Variants in DIP2C observed in about 807,000 individuals in gnomAD.
The protein encoded by DIP2C is disco-interacting protein 2 homolog C.
Under a neutral mutation model 192.4 loss-of-function variants are expected in DIP2C, and 33 were observed. That is an observed-to-expected ratio of 0.17 (90% confidence interval 0.13 to 0.23). The LOEUF (loss-of-function observed/expected upper bound fraction) is 0.23, where lower values mean the gene tolerates loss of function less well. Ranked by LOEUF, DIP2C falls within the 10% of genes least tolerant of loss-of-function variation. The pLI, the probability that DIP2C is intolerant of heterozygous loss-of-function variation, is 1.00. For missense variants in DIP2C, 1,537 were observed against 2,110.1 expected (o/e 0.73, Z 5.32); for synonymous variants, 979 against 864.1 (o/e 1.13, Z -2.33).
Position 362,545 on chromosome 10 carries a change from T to C in DIP2C, c.2739A>G (p.Leu913=). The change falls in exon 22 of 37, where the codon CTA becomes CTG. Residue 913 remains leucine (L), a synonymous_variant. Transcript: ENST00000280886. ...TTGTGACGCAGGTGTGGGGGCACATTAGGACATTGCAGGGGTGCAGAGAGC... is the reference window on the plus strand; with the variant it reads ...TTGTGACGCAGGTGTGGGGGCACATCAGGACATTGCAGGGGTGCAGAGAGC... ...LEGSLHPCNV[L]MCPHTCVTNL... is the part of the protein sequence containing the mutation. 15 of 1,614,072 alleles carry C rather than the reference T, an allele frequency of 9.3e-6. No individual in the cohort carries two copies. The highest frequency in any genetic ancestry group is 1.3e-5 in the Non-Finnish European group (15 of 1,179,962).
chr10:486,344 A>G, intron 2 of DIP2C, 115 bp downstream of exon 2: 1 of 959,498 alleles, frequency 1.0e-6, no homozygotes, highest in Non-Finnish European at 1.6e-6. Flanking sequence ...GGTGAACGCC[A>G]GACGCCTCCT....
chr10:683,339 C>A (rs951333257), intron 1 of DIP2C, among the ~76,000 whole-genome samples: 1 of 152,224 alleles, frequency 6.6e-6, no homozygotes, highest in South Asian at 2.1e-4. Context: ...AATTAGTCTC[C>A]CTTAAAGGGC....
At chr10:372,381 CTCTTT>C (rs1961075067) in intron 17 of DIP2C, among the ~76,000 whole-genome samples, 1 of 152,160 alleles carries the variant, frequency 6.6e-6, no homozygotes, top group Non-Finnish European at 1.5e-5. Context: ...GGCCAAGATC[CTCTTT>C]TCTATGTTTA....
chr10:448,640 C>A (rs76529045), intron 3 of DIP2C, among the ~76,000 whole-genome samples: 1 of 115,062 alleles, frequency 8.7e-6, no homozygotes, highest in African/African-American at 4.9e-5. Context: ...CAGGATCACA[C>A]ACAGTGGGGC....
intron 1 of DIP2C, among the ~76,000 whole-genome samples, chr10:563,832 G>A (rs1280170517): frequency 1.3e-5 from 2 of 152,114 alleles, no homozygotes; most frequent in African/African-American, 4.8e-5. Context: ...CAGACTACTG[G>A]GCTATACCAA....
Position 337,130 on chromosome 10 carries a change from C to CTGTGTG in DIP2C, c.3584+4063_3584+4068dup, listed in dbSNP as rs138944577. On this transcript the variant is annotated intron_variant, in intron 29 of 36. Transcript: ENST00000280886. Reference sequence around the variant, plus strand: ...GTGTGTGTTGTGGAGGCCTAGGCAGCTGTGTGTGTGTGTGTGTTGTGGAGG... The same window carrying CTGTGTG: ...GTGTGTGTTGTGGAGGCCTAGGCAGCTGTGTGTGTGTGTGTGTGTGTGTTGTGGAGG... Among the ~76,000 whole-genome samples the CTGTGTG allele has an allele frequency of 9.4e-4, 78 of 83,066 alleles. 2 individuals carry two copies. Among genetic ancestry groups the CTGTGTG allele is most frequent in the African/African-American group, 2.6e-3 (45 of 17,182 alleles). 54.5% of individuals were successfully genotyped at this position (83,066 alleles called of 152,430 possible). A position where few individuals can be genotyped will look rare whatever the true frequency, so the allele number is the denominator to read the frequency against.
In DIP2C at chr10:471,259, T is replaced by C. The variant is rs1564752059; in HGVS notation, c.268+1180A>G. Reference sequence around the variant, plus strand: ...CCTCTTTTGCATGGGTGACACTCTCTGAGGCCATAAAATCTCCTCTCCAGA... The same window carrying C: ...CCTCTTTTGCATGGGTGACACTCTCCGAGGCCATAAAATCTCCTCTCCAGA... On this transcript the variant is annotated intron_variant, in intron 3 of 36. Coordinates refer to ENST00000280886, the MANE Select transcript of DIP2C (RefSeq NM_014974.3). Among the ~76,000 whole-genome samples, 4 of 152,100 alleles carry C rather than the reference T, an allele frequency of 2.6e-5. 1 individual carries two copies. Among genetic ancestry groups the C allele is most frequent in the Admixed American group, 2.6e-4 (4 of 15,272 alleles).
intron 1 of DIP2C, among the ~76,000 whole-genome samples, chr10:619,541 G>GCCCTCCCTCCCTCCCTCCCTCCCTCCCT (rs1554757196): frequency 4.4e-5 from 3 of 67,962 alleles, no homozygotes; most frequent in African/African-American, 1.0e-4. Context: ...CCGCCCGCCC[G>GCCCTCCCTCCCTCCCTCCCTCCCTCCCT]CCCTCCCACC....
At position 311,582 on chromosome 10, in the gene DIP2C, G is replaced by T. The variant is rs796559670; in HGVS notation, c.3925-1490C>A. 45 of 1,232,470 alleles carry T rather than the reference G, an allele frequency of 3.7e-5. 1 individual carries two copies. The African/African-American group carries it at 6.8e-4, about 19-fold the overall frequency. The allele number at this position is 1,232,470 out of a possible 1,614,324, so 76.3% of individuals were successfully genotyped here. A position where few individuals can be genotyped will look rare whatever the true frequency, so the allele number is the denominator to read the frequency against. Reference sequence around the variant, plus strand: ...GCCTGTGAGGCTACAGCAGCAGAAGGGTGAGGACGAGAAGAGAGGAGAGAA... The same window carrying T: ...GCCTGTGAGGCTACAGCAGCAGAAGTGTGAGGACGAGAAGAGAGGAGAGAA... On this transcript the variant is annotated intron_variant, in intron 31 of 36. Coordinates refer to ENST00000280886, the MANE Select transcript of DIP2C (RefSeq NM_014974.3).
intron 18 of DIP2C, 123 bp downstream of exon 18, chr10:369,364 TGGGAGTG>T (rs1196812911): frequency 9.4e-5 from 111 of 1,184,096 alleles, no homozygotes; most frequent in Non-Finnish European, 1.2e-4. Flanking sequence ...TTCAGAAGAC[TGGGAGTG>T]AGGCTCTCAG....
At chr10:311,214 C>T (rs2132327656) in intron 31 of DIP2C, among the ~76,000 whole-genome samples, 2 of 152,224 alleles carry the variant, frequency 1.3e-5, no homozygotes, top group East Asian at 3.9e-4. Context: ...AGCAGAGAAC[C>T]GGCCCACAGT....
At chr10:278,218 T>C (rs1023539230) in intron 36 of DIP2C, among the ~76,000 whole-genome samples, 1 of 148,054 alleles carries the variant, frequency 6.8e-6, no homozygotes, top group Admixed American at 6.7e-5. Flanking sequence ...TCTCTGTCTG[T>C]GCACCCGAGT....
intron 1 of DIP2C, among the ~76,000 whole-genome samples, chr10:490,404 T>TC (rs1588282446): frequency 6.6e-6 from 1 of 152,248 alleles, no homozygotes; most frequent in East Asian, 1.9e-4. Context: ...GTGTCTGTTA[T>TC]CCCGCTAGGC....
chr10:330,451 T>C (rs973600622), intron 29 of DIP2C, among the ~76,000 whole-genome samples: 3 of 152,156 alleles, frequency 2.0e-5, no homozygotes, highest in African/African-American at 7.2e-5. Context: ...GAATTCACAA[T>C]AGATACCATA....
intron 1 of DIP2C, among the ~76,000 whole-genome samples, chr10:492,128 C>T (rs989044659): frequency 4.6e-5 from 7 of 152,218 alleles, no homozygotes; most frequent in African/African-American, 1.4e-4. Flanking sequence ...CCCCAGACGC[C>T]GCGGGCCCCC....
intron 1 of DIP2C, among the ~76,000 whole-genome samples, chr10:682,476 GA>G (rs796339029): frequency 0.015 from 2,222 of 143,956 alleles, 53 homozygotes; most frequent in African/African-American, 0.052. Flanking sequence ...AAAGTTAAAG[GA>G]AAAAAAAAAA....
At chr10:479,105 C>A (rs1266209898) in intron 2 of DIP2C, among the ~76,000 whole-genome samples, 1 of 152,212 alleles carries the variant, frequency 6.6e-6, no homozygotes, top group Non-Finnish European at 1.5e-5. Context: ...AATCCAGTCC[C>A]ATTCTCTCCA....
chr10:439,284 G>A lies in DIP2C; in HGVS notation c.394+1587C>T, dbSNP rs148289239. On this transcript the variant is annotated intron_variant, in intron 4 of 36. Coordinates refer to ENST00000280886, the MANE Select transcript of DIP2C (RefSeq NM_014974.3). ...CTTGCCCGCTAGCATTTGCTAGCAC[G>A]GCGTTCACTCCCTTGCCAACAACCT... Among the ~76,000 whole-genome samples, 688 of 148,098 alleles carry A rather than the reference G, an allele frequency of 4.6e-3. 8 individuals are homozygous for A. The highest frequency in any genetic ancestry group is 0.016 in the African/African-American group (634 of 38,536).
Position 384,503 on chromosome 10 carries a change from G to T in DIP2C, c.1756+43C>A, listed in dbSNP as rs190903119. The T allele has an allele frequency of 8.8e-6, 14 of 1,594,646 alleles. No individual in the cohort carries two copies. In the Middle Eastern group the frequency reaches 5.0e-4, roughly 57 times the overall value. Reference sequence around the variant, plus strand: ...TCCACCTGCTTTGGCCTCCTAAAGCGCTGGGATTACAGGTGTGAGCCACTG... The same window carrying T: ...TCCACCTGCTTTGGCCTCCTAAAGCTCTGGGATTACAGGTGTGAGCCACTG... On this transcript the variant is annotated intron_variant, in intron 15 of 36. Coordinates refer to ENST00000280886, the MANE Select transcript of DIP2C (RefSeq NM_014974.3).
Sources: gnomAD v4.1 joint callset for allele counts (sites outside exome capture counted in the v4.1 genomes callset) on GRCh38, gnomAD v4.1.1 for gene constraint, MANE v1.5 for transcripts, NCBI Gene and HGNC (gene_info 2026-07-23, HGNC 2026-07-21) for gene names.